The following MAPK9 variants were observed in gnomAD, a reference collection of about 807,000 sequenced individuals.
The protein encoded by MAPK9 is Jun kinase.
MAPK9 carries 30 observed loss-of-function variants against 57.1 expected under a neutral mutation model. The ratio of observed to expected loss-of-function variants is 0.53; its 90% CI spans 0.39 to 0.71. MAPK9 has a LOEUF of 0.71. Among genes scored for constraint, MAPK9 ranks in the 30% least tolerant of loss-of-function variants. The probability of loss-of-function intolerance (pLI) is 0.00; values close to 1 mark genes in which losing one functional copy is unlikely to be tolerated. For synonymous variants in MAPK9, 155 were observed against 177.0 expected (o/e 0.88, Z 0.99); for missense variants, 362 against 521.0 (o/e 0.69, Z 2.97).
At chr5:180,268,694 G>A (rs1436046887) in intron 3 of MAPK9, among the ~76,000 whole-genome samples, 3 of 152,114 alleles carry the variant, frequency 2.0e-5, no homozygotes, top group African/African-American at 7.2e-5. Context: ...GGGCGTGGTG[G>A]CGGGCGCCTG....
At chr5:180,277,857 A>G (rs562401721) in intron 2 of MAPK9, among the ~76,000 whole-genome samples, 167 of 152,286 alleles carry the variant, frequency 1.1e-3, no homozygotes, top group African/African-American at 3.7e-3. Context: ...TTGGTGCCTC[A>G]TAGCCTGGTG....
At chr5:180,253,207 G>C (rs34685982) in intron 5 of MAPK9, among the ~76,000 whole-genome samples, 38 of 152,308 alleles carry the variant, frequency 2.5e-4, no homozygotes, top group African/African-American at 8.4e-4. Flanking sequence ...GTCTGGACCA[G>C]GCCTCTGAGG....
intron 3 of MAPK9, among the ~76,000 whole-genome samples, chr5:180,268,093 G>A (rs562956746): frequency 2.0e-5 from 3 of 152,116 alleles, no homozygotes; most frequent in Non-Finnish European, 2.9e-5. Context: ...TAAAGTGCTG[G>A]GATTACAGGC....
In MAPK9 at chr5:180,247,042, C is replaced by G. The variant is rs1219499885; in HGVS notation, c.688+397G>C. On this transcript the variant is annotated intron_variant, in intron 7 of 11. Transcript: ENST00000452135. The surrounding 1 kb of genome is among the most constrained non-coding windows in gnomAD (Gnocchi z 4.5). ...TACTTAATTAAAGCACACAAGCACA[C>G]TAGCCTATTAAATTTAGATAGCATC... 4.9e-6 allele frequency: 1 copy of G among 204,038 alleles called. No individual in the cohort carries two copies. Among genetic ancestry groups the G allele is most frequent in the Non-Finnish European group, 9.9e-6 (1 of 101,214 alleles). 12.6% of individuals were successfully genotyped at this position (204,038 alleles called of 1,614,324 possible).
intron 1 of MAPK9, among the ~76,000 whole-genome samples, chr5:180,289,549 T>G (rs1435015193): frequency 2.0e-5 from 3 of 152,156 alleles, no homozygotes. Flanking sequence ...TGATCTGGGT[T>G]CGAACTCCAC....
intron 5 of MAPK9, among the ~76,000 whole-genome samples, chr5:180,250,965 CTT>C (rs1406356844): frequency 6.6e-6 from 1 of 152,116 alleles, no homozygotes; most frequent in East Asian, 1.9e-4. Context: ...GAATTCGCTT[CTT>C]GTTTCCTTTT....
chr5:180,239,237 T>A (rs1268909111), intron 10 of MAPK9, among the ~76,000 whole-genome samples: 1 of 152,252 alleles, frequency 6.6e-6, no homozygotes, highest in Non-Finnish European at 1.5e-5. Flanking sequence ...GAGGGATTCC[T>A]AAAATGTCAG....
Position 180,248,957 on chromosome 5 carries a change from C to CTAAGT in MAPK9, c.616+15_616+16insACTTA. 1 of 1,580,694 alleles carries CTAAGT rather than the reference C, an allele frequency of 6.3e-7. No homozygotes were observed. The highest frequency in any genetic ancestry group is 8.6e-7 in the Non-Finnish European group (1 of 1,163,274). On this transcript the variant is annotated intron_variant, in intron 6 of 11. Transcript: ENST00000452135. ...TTCTAAACATCCCAGCCTCTTCCAG[C>CTAAGT]CCCGGCTATACTCACCGTTCTCTTT... is the stretch of plus-strand genomic sequence containing the variant.
At chr5:180,245,896 T>C (rs893181019) in intron 7 of MAPK9, 6 of 152,334 alleles carry the variant, frequency 3.9e-5, no homozygotes, top group Non-Finnish European at 7.4e-5. Context: ...TCTCCCAAAT[T>C]TCAATCTAAT....
intron 8 of MAPK9, among the ~76,000 whole-genome samples, chr5:180,242,114 G>A (rs900268418): frequency 6.6e-6 from 1 of 152,126 alleles, no homozygotes; most frequent in African/African-American, 2.4e-5. Context: ...AAAGACTGGG[G>A]CTTTTCTGAT....
At chr5:180,267,178 C>T (rs17627880) in intron 3 of MAPK9, among the ~76,000 whole-genome samples, 22,252 of 151,968 alleles carry the variant, frequency 0.15, 2,154 homozygotes, top group Non-Finnish European at 0.21. Context: ...CTGTGGGTGG[C>T]GGTATTCAGG....
At chr5:180,281,609 C>T (rs1244875713) in intron 1 of MAPK9, among the ~76,000 whole-genome samples, 1 of 152,138 alleles carries the variant, frequency 6.6e-6, no homozygotes, top group African/African-American at 2.4e-5. Context: ...AAATCCCTTG[C>T]CTTTATGTTC....
Position 180,247,500 on chromosome 5 carries a change from C to T in MAPK9, c.627G>A (p.Trp209Ter). ...GMGYKENVDI[W>*]SVGCIMGELV... ...GCTCTCCCATGATGCAACCCACTGACCAGATATCAACTGAAAATAAAATGA... is the reference window on the plus strand; with the variant it reads ...GCTCTCCCATGATGCAACCCACTGATCAGATATCAACTGAAAATAAAATGA... Residue 209 changes from tryptophan to a stop codon, truncating the protein, a stop_gained, in exon 7 of 12, where the codon TGG (tryptophan) becomes TGA (stop). Transcript: ENST00000452135. LOFTEE classifies it high-confidence loss of function. The surrounding 1 kb of genome is among the most constrained non-coding windows in gnomAD (Gnocchi z 4.5). The T allele has an allele frequency of 6.2e-7, 1 of 1,613,540 alleles. No individual in the cohort carries two copies. Among genetic ancestry groups the T allele is most frequent in the Non-Finnish European group, 8.5e-7 (1 of 1,179,684 alleles).
At chr5:180,264,706 A>G in intron 4 of MAPK9, 75 bp downstream of exon 4, 1 of 1,368,770 alleles carries the variant, frequency 7.3e-7, no homozygotes, top group South Asian at 1.5e-5. Flanking sequence ...TCCTAAGTAT[A>G]AAAAGCAGTT....
chr5:180,269,086 C>CCGAG (rs1760993303), intron 3 of MAPK9, among the ~76,000 whole-genome samples, 194 bp downstream of exon 3: 1 of 152,140 alleles, frequency 6.6e-6, no homozygotes, highest in Non-Finnish European at 1.5e-5. Context: ...TTGCAGAGAG[C>CCGAG]CGAGACTGCG....
intron 5 of MAPK9, among the ~76,000 whole-genome samples, chr5:180,254,870 T>C (rs915808979): frequency 6.6e-6 from 1 of 152,052 alleles, no homozygotes; most frequent in African/African-American, 2.4e-5. Flanking sequence ...CTGTCTCTAC[T>C]AAAAATACAA....
rs1012039617 is a variant in MAPK9, at chr5:180,276,846, C to T, written c.122+3594G>A. Among the ~76,000 whole-genome samples the T allele has an allele frequency of 3.3e-5, 5 of 152,082 alleles. No homozygotes were observed. In the South Asian group the frequency reaches 6.2e-4, roughly 19 times the overall value. ...TCCACCTGGTGACAGAGCAAGACTC[C>T]GTCTCAAAAATAAAATAAAATATTT... On this transcript the variant is annotated intron_variant, in intron 2 of 11. Coordinates refer to ENST00000452135, the MANE Select transcript of MAPK9 (RefSeq NM_002752.5).
At position 180,271,557 on chromosome 5, in the gene MAPK9, A is replaced by T. The variant is rs539791989; in HGVS notation, c.123-2148T>A. Among the ~76,000 whole-genome samples the T allele has an allele frequency of 2.0e-5, 3 of 152,350 alleles. No individual in the cohort carries two copies. In the East Asian group the frequency reaches 5.8e-4, roughly 29 times the overall value. On this transcript the variant is annotated intron_variant, in intron 2 of 11. Transcript: ENST00000452135. Reference sequence around the variant, plus strand: ...GGAACGTCTTGACTTCTGCTTACGTAAAATGAGACTGTTCCATCCCTTTCT... The same window carrying T: ...GGAACGTCTTGACTTCTGCTTACGTTAAATGAGACTGTTCCATCCCTTTCT...
At chr5:180,258,208 A>C (rs1009448255) in intron 5 of MAPK9, 1 of 152,290 alleles carries the variant, frequency 6.6e-6, no homozygotes, top group Non-Finnish European at 1.5e-5. Flanking sequence ...AAGAACTCAC[A>C]GTGGGGAAAA....
Sources: gnomAD v4.1 joint callset for allele counts (sites outside exome capture counted in the v4.1 genomes callset) on GRCh38, gnomAD v4.1.1 for gene constraint, Gnocchi (gnomAD v3.1) non-coding constraint, MANE v1.5 for transcripts, NCBI Gene and HGNC (gene_info 2026-07-23, HGNC 2026-07-21) for gene names.